The following NRDE2 variants were observed in gnomAD, a reference collection of about 807,000 sequenced individuals.
NRDE2 encodes NRDE-2, necessary for RNA interference, domain containing, also known as nuclear exosome regulator NRDE2.
Under a neutral mutation model 124.2 loss-of-function variants are expected in NRDE2, and 76 were observed. The ratio of observed to expected loss-of-function variants is 0.61; its 90% CI spans 0.51 to 0.74. NRDE2 has a LOEUF of 0.74. Ranked by LOEUF, NRDE2 falls within the 30% of genes least tolerant of loss-of-function variation. NRDE2 has a pLI of 0.00. For missense variants in NRDE2, 1,314 were observed against 1,417.3 expected (o/e 0.93, Z 1.17); for synonymous variants, 489 against 528.1 (o/e 0.93, Z 1.01).
At chr14:90,324,084 G>A (rs904133055) in intron 1 of NRDE2, among the ~76,000 whole-genome samples, 1 of 152,138 alleles carries the variant, frequency 6.6e-6, no homozygotes, top group Non-Finnish European at 1.5e-5. Flanking sequence ...CTGGATCAGA[G>A]AAAGCTAACT....
At position 90,290,361 on chromosome 14, in the gene NRDE2, C is replaced by T; in HGVS notation, c.2089G>A (p.Gly697Ser). Reference sequence around the variant, plus strand: ...TGACCCCTGGTCCAGCGAGGATAGCCCAACCTATCCATGCGGCCAACACAG... The same window carrying T: ...TGACCCCTGGTCCAGCGAGGATAGCTCAACCTATCCATGCGGCCAACACAG... ...ASCVGRMDRL[G>S]YPRWTRGQNR... Residue 697 changes from glycine to serine, a missense_variant, in exon 10 of 14, where the codon GGC becomes AGC. Transcript: ENST00000354366. 1 of 1,614,102 alleles carries T rather than the reference C, an allele frequency of 6.2e-7. No individual in the cohort carries two copies. Among genetic ancestry groups the T allele is most frequent in the East Asian group, 2.2e-5 (1 of 44,878 alleles).
chr14:90,291,882 G>A (rs1892279681), intron 9 of NRDE2, among the ~76,000 whole-genome samples: 1 of 152,224 alleles, frequency 6.6e-6, no homozygotes, highest in African/African-American at 2.4e-5. Flanking sequence ...GCTCACCACA[G>A]GACAAATGCT....
chr14:90,270,466 AATC>A lies in NRDE2; in HGVS notation c.*7867_*7869del. 1 of 1,187,720 alleles carries A rather than the reference AATC, an allele frequency of 8.4e-7. No homozygotes were observed. Among genetic ancestry groups the A allele is most frequent in the Non-Finnish European group, 1.1e-6 (1 of 871,172 alleles). The allele number at this position is 1,187,720 out of a possible 1,614,324, so 73.6% of individuals were successfully genotyped here. On this transcript the variant is annotated 3_prime_UTR_variant, in exon 14 of 14. Coordinates refer to ENST00000354366, the MANE Select transcript of NRDE2 (RefSeq NM_017970.4). ...CTGGACAGGTGGGTGTCTGTATTTT[AATC>A]ATCATATTGGTTTACGATTACATCC... is the stretch of plus-strand genomic sequence containing the variant.
rs57508760 is a variant in NRDE2, at chr14:90,312,556, G to GGAA, written c.408-16_408-14dup. ...ATTATTTCCTTGACTGTGGGACAAAGGAAGAAGAAGAAGGGAGAGGCACTT... is the reference window on the plus strand; with the variant it reads ...ATTATTTCCTTGACTGTGGGACAAAGGAAGAAGAAGAAGAAGGGAGAGGCACTT... On this transcript the variant is annotated splice_polypyrimidine_tract_variant and intron_variant, in intron 3 of 13. Transcript: ENST00000354366. 2 of 1,613,744 alleles carry GGAA rather than the reference G, an allele frequency of 1.2e-6. No homozygotes were observed. Among genetic ancestry groups the GGAA allele is most frequent in the Non-Finnish European group, 1.7e-6 (2 of 1,179,908 alleles).
rs778279608 is a variant in NRDE2 at position 90,290,617 on chromosome 14, A to C, written c.1843-10T>G. ...TATCATCAAACAACACCTGCAACAA[A>C]GACAAAATAAAGCGACCCATGTAAC... On this transcript the variant is annotated splice_polypyrimidine_tract_variant and intron_variant, in intron 9 of 13. Coordinates refer to ENST00000354366, the MANE Select transcript of NRDE2 (RefSeq NM_017970.4). 3.8e-6 allele frequency: 6 copies of C among 1,585,786 alleles called. No homozygotes were observed. In the South Asian group the frequency reaches 5.7e-5, roughly 15 times the overall value.
chr14:90,318,197 CATCCTA>C, intron 1 of NRDE2, 84 bp from the exon 2 acceptor site: 1 of 1,064,892 alleles, frequency 9.4e-7, no homozygotes. Flanking sequence ...TATCAGCTGA[CATCCTA>C]ATTCACAGCC....
At chr14:90,306,809 CA>C (rs34221775) in intron 4 of NRDE2, among the ~76,000 whole-genome samples, 178 of 135,276 alleles carry the variant, frequency 1.3e-3, no homozygotes, top group Middle Eastern at 7.5e-3. Flanking sequence ...GACTTGGTCT[CA>C]AAAAAAAAAA....
chr14:90,307,635 G>A (rs1406433077), intron 4 of NRDE2, among the ~76,000 whole-genome samples: 1 of 152,032 alleles, frequency 6.6e-6, no homozygotes, highest in African/African-American at 2.4e-5. Flanking sequence ...CAGCACTTTG[G>A]GAGGCCAAGG....
rs1161219299 is a variant in NRDE2 at position 90,274,249 on chromosome 14, T to G, written c.*4087A>C. 6.4e-6 allele frequency: 1 copy of G among 155,478 alleles called. No homozygotes were observed. Among genetic ancestry groups the G allele is most frequent in the African/African-American group, 2.4e-5 (1 of 41,452 alleles). The allele number at this position is 155,478 out of a possible 1,614,324, so 9.6% of individuals were successfully genotyped here. On this transcript the variant is annotated 3_prime_UTR_variant, in exon 14 of 14. Coordinates refer to ENST00000354366, the MANE Select transcript of NRDE2 (RefSeq NM_017970.4). ...GAGGCTGGCATCCGTGTGGGGTGTA[T>G]GTGCAGGGCTGGGGTGGTCCGATAG...
At chr14:90,299,404 A>G (rs932174027) in intron 7 of NRDE2, among the ~76,000 whole-genome samples, 2 of 15,536 alleles carry the variant, frequency 1.3e-4, no homozygotes, top group Non-Finnish European at 7.8e-4. Flanking sequence ...TCATTCGAGC[A>G]TTAGGTGTGT....
chr14:90,282,792 C>T (rs1047105426), intron 12 of NRDE2, among the ~76,000 whole-genome samples: 1 of 152,058 alleles, frequency 6.6e-6, no homozygotes, highest in Non-Finnish European at 1.5e-5. Context: ...CTTAGCCTCC[C>T]GAGTAGCTGG....
chr14:90,323,838 C>G (rs779638588), intron 1 of NRDE2, among the ~76,000 whole-genome samples: 1 of 152,132 alleles, frequency 6.6e-6, no homozygotes, highest in African/African-American at 2.4e-5. Flanking sequence ...CTGGCTGTTT[C>G]TTGGTTGTGC....
At chr14:90,289,263 G>C (rs1892205148) in intron 10 of NRDE2, 118 bp from the exon 11 acceptor site, 1 of 806,820 alleles carries the variant, frequency 1.2e-6, no homozygotes, top group African/African-American at 1.7e-5. Context: ...CTTTATCACG[G>C]GTCTGGTAAA....
At chr14:90,300,234 T>C (rs760408749) in intron 7 of NRDE2, among the ~76,000 whole-genome samples, 2 of 152,248 alleles carry the variant, frequency 1.3e-5, no homozygotes, top group Non-Finnish European at 2.9e-5. Context: ...ACTTCTGTAG[T>C]ACAGCCTATT....
At position 90,298,317 on chromosome 14, in the gene NRDE2, C is replaced by T. The variant is rs1262318855; in HGVS notation, c.1609G>A (p.Gly537Ser). 6.2e-7 allele frequency: 1 copy of T among 1,613,740 alleles called. No individual in the cohort carries two copies. The highest frequency in any genetic ancestry group is 8.5e-7 in the Non-Finnish European group (1 of 1,179,970). The change falls in exon 8 of 14, where the codon GGC becomes AGC. Residue 537 changes from glycine to serine, a missense_variant. Transcript: ENST00000354366. ...EPRAGEKGAR[G>S]WKAWMHQQER... ...TGCTGGTGCATCCACGCCTTCCAGC[C>T]TCGGGCTCCCTTCTCCCCAGCCCGG...
chr14:90,292,657 C>G (rs1315520928), intron 9 of NRDE2, 40 bp downstream of exon 9: 2 of 1,587,840 alleles, frequency 1.3e-6, no homozygotes, highest in Admixed American at 1.7e-5. Context: ...CAGGCAGGGA[C>G]CCCCTGGACA....
intron 4 of NRDE2, among the ~76,000 whole-genome samples, chr14:90,311,502 G>C (rs8023212): frequency 0.3 from 46,225 of 151,944 alleles, 7,065 homozygotes; most frequent in South Asian, 0.35. Context: ...CAGTTCCCCT[G>C]GTTTTATAAA....
At chr14:90,300,257 C>T (rs1173222166) in intron 7 of NRDE2, among the ~76,000 whole-genome samples, 2 of 152,330 alleles carry the variant, frequency 1.3e-5, no homozygotes, top group South Asian at 2.1e-4. Flanking sequence ...TAAAATCTCA[C>T]AGCATGTCTT....
At chr14:90,317,895 A>G (rs1452156208) in intron 2 of NRDE2, 110 bp downstream of exon 2, 1 of 693,190 alleles carries the variant, frequency 1.4e-6, no homozygotes, top group Non-Finnish European at 2.4e-6. Flanking sequence ...TACTTTAAGT[A>G]AGAGTTTTAC....
Sources: gnomAD v4.1 joint callset for allele counts (sites outside exome capture counted in the v4.1 genomes callset) on GRCh38, gnomAD v4.1.1 for gene constraint, MANE v1.5 for transcripts, NCBI Gene and HGNC (gene_info 2026-07-23, HGNC 2026-07-21) for gene names.